Variants in PDLIM5 observed in about 807,000 individuals in gnomAD.
PDLIM5 encodes PDZ and LIM domain 5.
Under a neutral mutation model 64.2 loss-of-function variants are expected in PDLIM5, and 34 were observed. The observed-to-expected ratio is 0.53, with a 90% CI of 0.40 to 0.71. The LOEUF (loss-of-function observed/expected upper bound fraction) is 0.71, where lower values mean the gene tolerates loss of function less well. Ranked by LOEUF, PDLIM5 falls within the 30% of genes least tolerant of loss-of-function variation. The pLI, the probability that PDLIM5 is intolerant of heterozygous loss-of-function variation, is 0.00. For synonymous variants in PDLIM5, 253 were observed against 269.1 expected, an observed-to-expected ratio of 0.94 and a Z score of 0.59; for missense variants, 683 against 733.6, an observed-to-expected ratio of 0.93 and a Z score of 0.80.
intron 2 of PDLIM5, among the ~76,000 whole-genome samples, chr4:94,511,837 G>A (rs1288983574): frequency 1.3e-5 from 2 of 152,096 alleles, no homozygotes; most frequent in South Asian, 2.1e-4. Context: ...TAGTACTCCA[G>A]TGTGTATATG....
At chr4:94,585,777 T>G (rs1578423270) in intron 6 of PDLIM5, 40 bp downstream of exon 6, 16 of 1,548,982 alleles carry the variant, frequency 1.0e-5, no homozygotes, top group Non-Finnish European at 1.4e-5. Flanking sequence ...TGAATGTTTT[T>G]TTGCCCCAGA....
intron 7 of PDLIM5, among the ~76,000 whole-genome samples, chr4:94,606,327 A>G (rs1294675697): frequency 6.6e-6 from 1 of 152,188 alleles, no homozygotes; most frequent in Non-Finnish European, 1.5e-5. Context: ...ATGACAGCAC[A>G]TGACAGGGGC....
chr4:94,497,105 A>G (rs992841408), intron 2 of PDLIM5, among the ~76,000 whole-genome samples: 1 of 152,146 alleles, frequency 6.6e-6, no homozygotes, highest in Non-Finnish European at 1.5e-5. Context: ...TTAAGACTAT[A>G]CTTGGGTGCA....
In PDLIM5 at chr4:94,657,417, TC is replaced by T. The variant is rs771286561; in HGVS notation, c.1465-9del. Reference sequence around the variant, plus strand: ...TTCTTTTTTTACATCCAATTACCTTTCTGTAACAGGAAGTCATCAGTGCGTT... The same window carrying T: ...TTCTTTTTTTACATCCAATTACCTTTTGTAACAGGAAGTCATCAGTGCGTT... On this transcript the variant is annotated splice_polypyrimidine_tract_variant and intron_variant, in intron 10 of 12. Coordinates refer to ENST00000317968, the MANE Select transcript of PDLIM5 (RefSeq NM_006457.5). 60 of 1,568,308 alleles carry T rather than the reference TC, an allele frequency of 3.8e-5. No individual in the cohort carries two copies. Among genetic ancestry groups the T allele is most frequent in the Non-Finnish European group, 5.3e-5 (60 of 1,140,102 alleles).
Position 94,587,487 on chromosome 4 carries a change from TC to T in PDLIM5, c.920+1046del, listed in dbSNP as rs1736329401. The stretch of plus-strand genomic sequence containing the variant: ...ATACTTTCTTTATATTATTAACATC[TC>T]CCAAGATTACTTTTTAAGTTCATTA... On this transcript the variant is annotated intron_variant, in intron 7 of 12. Coordinates refer to ENST00000317968, the MANE Select transcript of PDLIM5 (RefSeq NM_006457.5). The T allele has an allele frequency of 1.9e-5, 17 of 898,088 alleles. No homozygotes were observed. The South Asian group carries it at 7.5e-4, about 40-fold the overall frequency. The allele number at this position is 898,088 out of a possible 1,614,324, so 55.6% of individuals were successfully genotyped here. A position where few individuals can be genotyped will look rare whatever the true frequency, so the allele number is the denominator to read the frequency against.
intron 2 of PDLIM5, among the ~76,000 whole-genome samples, chr4:94,514,087 G>A (rs1246960509): frequency 1.3e-5 from 2 of 150,806 alleles, no homozygotes; most frequent in African/African-American, 4.9e-5. Flanking sequence ...TGGTCATGGT[G>A]AATGATCTTT....
chr4:94,456,045 C>T, intron 2 of PDLIM5: 1 of 1,311,580 alleles, frequency 7.6e-7, no homozygotes, highest in Non-Finnish European at 9.9e-7. Flanking sequence ...ATTAAAGCTT[C>T]TATTTATTGA....
At chr4:94,643,437 CA>C (rs1337337833) in intron 9 of PDLIM5, among the ~76,000 whole-genome samples, 1 of 152,096 alleles carries the variant, frequency 6.6e-6, no homozygotes, top group African/African-American at 2.4e-5. Flanking sequence ...AATAGAGAAT[CA>C]TAGAAAATCA....
At chr4:94,549,279 G>C (rs1158086947) in intron 3 of PDLIM5, among the ~76,000 whole-genome samples, 1 of 152,138 alleles carries the variant, frequency 6.6e-6, no homozygotes, top group African/African-American at 2.4e-5. Flanking sequence ...AATAACCTCT[G>C]TACCCCTTTT....
chr4:94,616,068 G>C (rs1349124564), intron 7 of PDLIM5, among the ~76,000 whole-genome samples: 1 of 152,122 alleles, frequency 6.6e-6, no homozygotes, highest in Non-Finnish European at 1.5e-5. Context: ...CACATTAAAT[G>C]GTGATGGATT....
intron 2 of PDLIM5, among the ~76,000 whole-genome samples, chr4:94,498,249 CA>C (rs1299071076): frequency 6.6e-6 from 1 of 152,152 alleles, no homozygotes; most frequent in Non-Finnish European, 1.5e-5. Flanking sequence ...GGAGTAATTG[CA>C]GAAGTCTTTC....
intron 5 of PDLIM5, among the ~76,000 whole-genome samples, chr4:94,583,962 G>A (rs974139532): frequency 6.6e-6 from 1 of 152,166 alleles, no homozygotes; most frequent in Non-Finnish European, 1.5e-5. Context: ...GAAATGACTT[G>A]CATAAAGCAC....
chr4:94,539,368 T>C (rs1029911464), intron 3 of PDLIM5, among the ~76,000 whole-genome samples: 4 of 152,102 alleles, frequency 2.6e-5, no homozygotes, highest in African/African-American at 9.7e-5. Context: ...AGAGGACTTA[T>C]ATGGGAAATG....
chr4:94,534,161 A>G (rs1731122429), intron 3 of PDLIM5, among the ~76,000 whole-genome samples: 1 of 152,184 alleles, frequency 6.6e-6, no homozygotes, highest in Non-Finnish European at 1.5e-5. Context: ...GGAACGATGC[A>G]AATGTAGTTC....
chr4:94,541,749 TGGA>T (rs1204042158), intron 3 of PDLIM5, among the ~76,000 whole-genome samples: 1 of 152,242 alleles, frequency 6.6e-6, no homozygotes, highest in East Asian at 1.9e-4. Flanking sequence ...AGGGGGCTGA[TGGA>T]GGACACAGCT....
intron 3 of PDLIM5, among the ~76,000 whole-genome samples, chr4:94,550,895 G>C (rs1732749212): frequency 6.6e-6 from 1 of 151,962 alleles, no homozygotes; most frequent in African/African-American, 2.4e-5. Context: ...ACCTAAACTG[G>C]GGTTGAGGTC....
intron 2 of PDLIM5, among the ~76,000 whole-genome samples, chr4:94,498,100 G>A (rs1034687290): frequency 1.3e-5 from 2 of 152,114 alleles, no homozygotes; most frequent in South Asian, 2.1e-4. Context: ...CTGGGCTTTC[G>A]GATCAGGGCT....
At chr4:94,659,493 T>C (rs1742492165) in intron 11 of PDLIM5, among the ~76,000 whole-genome samples, 1 of 62,074 alleles carries the variant, frequency 1.6e-5, no homozygotes, top group South Asian at 4.5e-4. Context: ...TATATGTGTG[T>C]ATGTGTGTGT....
At chr4:94,491,863 G>A (rs1461268531) in intron 2 of PDLIM5, among the ~76,000 whole-genome samples, 1 of 151,934 alleles carries the variant, frequency 6.6e-6, no homozygotes, top group Non-Finnish European at 1.5e-5. Flanking sequence ...GCAATCTAAT[G>A]CATATCCCTC....
Sources: gnomAD v4.1 joint callset for allele counts (sites outside exome capture counted in the v4.1 genomes callset) on GRCh38, gnomAD v4.1.1 for gene constraint, MANE v1.5 for transcripts, NCBI Gene and HGNC (gene_info 2026-07-23, HGNC 2026-07-21) for gene names.